TANC1: variants seen among roughly 807,000 people sequenced by gnomAD.
TANC1 encodes protein TANC1.
In TANC1, 77 loss-of-function variants were observed where a neutral mutation model predicts 149.7. The observed-to-expected ratio is 0.51, with a 90% confidence interval of 0.43 to 0.62. The LOEUF (loss-of-function observed/expected upper bound fraction) is 0.62, where lower values mean the gene tolerates loss of function less well. Among genes scored for constraint, TANC1 ranks in the 20% least tolerant of loss-of-function variants. The pLI is 0.00. For synonymous variants in TANC1, 854 were observed against 925.0 expected (o/e 0.92, Z 1.39); for missense variants, 1,985 against 2,321.8 (o/e 0.85, Z 2.98).
chr2:159,152,225 C>T (rs924078896), intron 7 of TANC1, among the ~76,000 whole-genome samples: 1 of 152,150 alleles, frequency 6.6e-6, no homozygotes, highest in Non-Finnish European at 1.5e-5. Context: ...CTAATTTTTC[C>T]CAGCGTTACT....
chr2:159,125,951 A>C (rs1020955156), intron 4 of TANC1, among the ~76,000 whole-genome samples: 5 of 152,104 alleles, frequency 3.3e-5, no homozygotes, highest in Non-Finnish European at 7.4e-5. Context: ...GGCTGCCTGC[A>C]TTCCTGTTTG....
At chr2:158,991,437 A>T (rs2035617131) in intron 1 of TANC1, among the ~76,000 whole-genome samples, 1 of 152,108 alleles carries the variant, frequency 6.6e-6, no homozygotes, top group South Asian at 2.1e-4. Context: ...CAAAAAATAT[A>T]TATGCATAGA....
rs1388477099 is a variant in TANC1, at chr2:159,114,477, A to G, written c.259+16643A>G. ...GCAGGTGCTTTTAAGGTGGGGGGAAACATCTTAACTGTAGCCTGAAATCTT... is the reference window on the plus strand; with the variant it reads ...GCAGGTGCTTTTAAGGTGGGGGGAAGCATCTTAACTGTAGCCTGAAATCTT... On this transcript the variant is annotated intron_variant, in intron 4 of 26. Coordinates refer to ENST00000263635, the MANE Select transcript of TANC1 (RefSeq NM_033394.3). Among the ~76,000 whole-genome samples the G allele has an allele frequency of 1.4e-4, 21 of 152,182 alleles. 1 individual carries two copies. The highest frequency in any genetic ancestry group is 3.1e-4 in the Non-Finnish European group (21 of 68,036).
intron 4 of TANC1, among the ~76,000 whole-genome samples, chr2:159,128,516 C>G (rs2049728441): frequency 6.6e-6 from 1 of 152,206 alleles, no homozygotes; most frequent in African/African-American, 2.4e-5. Context: ...GGTTTTCCAG[C>G]TTGGTCAGTT....
chr2:159,213,548 T>C (rs550510586), intron 19 of TANC1, among the ~76,000 whole-genome samples: 1 of 152,094 alleles, frequency 6.6e-6, no homozygotes, highest in South Asian at 2.1e-4. Flanking sequence ...GTAAGGGCAA[T>C]GGGCCTGTTT....
intron 21 of TANC1, 45 bp downstream of exon 21, chr2:159,219,406 A>G: frequency 6.2e-7 from 1 of 1,612,322 alleles, no homozygotes; most frequent in Non-Finnish European, 8.5e-7. Flanking sequence ...ACGGACACAG[A>G]GAGAACTTCA....
At chr2:159,088,687 T>C (rs565097348) in intron 3 of TANC1, among the ~76,000 whole-genome samples, 1 of 152,228 alleles carries the variant, frequency 6.6e-6, no homozygotes, top group Admixed American at 6.5e-5. Context: ...AGACTTTTTT[T>C]GTGACTTTTT....
chr2:159,019,294 C>T (rs1299801267), intron 2 of TANC1, among the ~76,000 whole-genome samples: 1 of 152,074 alleles, frequency 6.6e-6, no homozygotes, highest in Non-Finnish European at 1.5e-5. Flanking sequence ...ATCTTCAGCC[C>T]GTGTTAGGAG....
intron 2 of TANC1, among the ~76,000 whole-genome samples, chr2:159,004,978 C>T (rs1228356547): frequency 2.0e-5 from 3 of 152,244 alleles, no homozygotes; most frequent in South Asian, 2.1e-4. Flanking sequence ...GCATTTCTTA[C>T]GAGAAATAAA....
At chr2:159,226,823 G>C (rs1251049786) in intron 24 of TANC1, 1 of 152,238 alleles carries the variant, frequency 6.6e-6, no homozygotes, top group African/African-American at 2.4e-5. Flanking sequence ...AGATAGCACA[G>C]AGTGAATGAA....
At position 159,136,283 on chromosome 2, in the gene TANC1, G is replaced by T; in HGVS notation, c.349G>T (p.Glu117Ter). 1 of 1,590,496 alleles carries T rather than the reference G, an allele frequency of 6.3e-7. No individual in the cohort carries two copies. ...MPFREVAKPT[E>*]PDEHEAKADN... ...ATTCAGAGAAGTAGCCAAGCCAACA[G>T]AGCCTGATGAGCATGGTAAGAATTT... Residue 117 changes from glutamate to a stop codon, truncating the protein, a stop_gained, in exon 5 of 27, where the codon GAG becomes TAG. Coordinates refer to ENST00000263635, the MANE Select transcript of TANC1 (RefSeq NM_033394.3). LOFTEE classifies it high-confidence loss of function.
Position 159,230,689 on chromosome 2 carries a change from A to G in TANC1, c.5263A>G (p.Asn1755Asp). 1 of 1,614,210 alleles carries G rather than the reference A, an allele frequency of 6.2e-7. No homozygotes were observed. The highest frequency in any genetic ancestry group is 8.5e-7 in the Non-Finnish European group (1 of 1,180,036). Reference protein sequence around the residue: ...HCPAPEGLLTNTSSAAGLQSA... With the variant: ...HCPAPEGLLTDTSSAAGLQSA... ...TCCGGCACCAGAGGGGCTGCTGACA[A>G]ACACGTCTTCTGCAGCTGGCCTGCA... is the stretch of plus-strand genomic sequence containing the variant. The change falls in exon 27 of 27, where the codon AAC becomes GAC. Residue 1755 changes from asparagine to aspartate, a missense_variant. By Grantham distance (23) the Asn-to-Asp change is conservative. Coordinates refer to ENST00000263635, the MANE Select transcript of TANC1 (RefSeq NM_033394.3). This position sits in a 1 kb window ranked among gnomAD's most constrained non-coding sequence, Gnocchi z 4.4.
chr2:159,204,915 C>T (rs930172777), intron 19 of TANC1, among the ~76,000 whole-genome samples: 5 of 152,194 alleles, frequency 3.3e-5, no homozygotes, highest in African/African-American at 9.7e-5. Context: ...CTTTGTGTAG[C>T]GCATTGAAGC....
At chr2:159,174,801 G>A in intron 11 of TANC1, 152 bp from the exon 12 acceptor site, 1 of 706,710 alleles carries the variant, frequency 1.4e-6, no homozygotes, top group Non-Finnish European at 2.5e-6. Context: ...GGAATAAATG[G>A]AACAATTATG....
intron 3 of TANC1, among the ~76,000 whole-genome samples, chr2:159,089,406 G>T (rs1020700017): frequency 6.6e-6 from 1 of 152,082 alleles, no homozygotes; most frequent in African/African-American, 2.4e-5. Flanking sequence ...TTTATCGCCT[G>T]CACCCCACCT....
intron 4 of TANC1, among the ~76,000 whole-genome samples, chr2:159,098,855 G>T (rs1226379662): frequency 6.6e-6 from 1 of 151,908 alleles, no homozygotes; most frequent in Non-Finnish European, 1.5e-5. Flanking sequence ...GGTTTGTGGA[G>T]TGTTTACAAA....
At chr2:159,119,907 G>A (rs908491806) in intron 4 of TANC1, among the ~76,000 whole-genome samples, 7 of 152,228 alleles carry the variant, frequency 4.6e-5, no homozygotes, top group African/African-American at 1.4e-4. Context: ...ATAATGGAAA[G>A]CATGTGCTTG....
chr2:159,219,573 C>A, intron 21 of TANC1, 119 bp from the exon 22 acceptor site: 1 of 1,370,726 alleles, frequency 7.3e-7, no homozygotes. Flanking sequence ...CAGTGTCACC[C>A]TTCACAGTGC....
At chr2:159,117,586 C>A (rs372163209) in intron 4 of TANC1, among the ~76,000 whole-genome samples, 1 of 151,902 alleles carries the variant, frequency 6.6e-6, no homozygotes, top group South Asian at 2.1e-4. Flanking sequence ...TTAATAGAGA[C>A]GGGGTTTCAC....
Sources: gnomAD v4.1 joint callset for allele counts (sites outside exome capture counted in the v4.1 genomes callset) on GRCh38, gnomAD v4.1.1 for gene constraint, Gnocchi (gnomAD v3.1) non-coding constraint, MANE v1.5 for transcripts, NCBI Gene and HGNC (gene_info 2026-07-23, HGNC 2026-07-21) for gene names.